The following ATP1A3 variants were observed in gnomAD, a reference collection of about 807,000 sequenced individuals.
The protein encoded by ATP1A3 is ATPase Na+/K+ transporting subunit alpha 3, also known as sodium/potassium-transporting ATPase subunit alpha-3.
Under a neutral mutation model 108.8 loss-of-function variants are expected in ATP1A3, and 12 were observed. That is an observed-to-expected ratio of 0.11 (90% CI 0.07 to 0.18). ATP1A3 has a LOEUF of 0.18. Among genes scored for constraint, ATP1A3 ranks in the 10% least tolerant of loss-of-function variants. ATP1A3 has a pLI of 1.00. For synonymous variants in ATP1A3, 539 were observed against 564.5 expected, an observed-to-expected ratio of 0.95 and a Z score of 0.64; for missense variants, 498 against 1,387.7, an observed-to-expected ratio of 0.36 and a Z score of 10.19.
chr19:41,976,387 G>C, intron 15 of ATP1A3, 29 bp downstream of exon 15: 1 of 1,613,664 alleles, frequency 6.2e-7, no homozygotes, highest in Non-Finnish European at 8.5e-7. Context: ...TCAAGGCCCC[G>C]TCCCCTCCTC....
chr19:41,993,254 A>T, intron 1 of ATP1A3: 1 of 658,632 alleles, frequency 1.5e-6, no homozygotes, highest in Non-Finnish European at 2.5e-6. Flanking sequence ...TCAGCCAGGG[A>T]GGGAGGCGGC....
intron 4 of ATP1A3, among the ~76,000 whole-genome samples, chr19:41,987,145 T>A (rs1555865728): frequency 2.0e-5 from 3 of 152,214 alleles, no homozygotes; most frequent in African/African-American, 7.2e-5. Flanking sequence ...TGCCTGACTT[T>A]ACATTCTACA....
chr19:41,985,823 GC>G lies in ATP1A3; in HGVS notation c.606+40del. On this transcript the variant is annotated intron_variant, in intron 6 of 22. Coordinates refer to ENST00000648268, the MANE Select transcript of ATP1A3 (RefSeq NM_152296.5). This position sits in a 1 kb window ranked among gnomAD's most constrained non-coding sequence, Gnocchi z 8.2. ...GGGGCTGGGCCTGAGCTCCTGGGCAGCCCGAGGGAGGGTAAAGCCGGGCCCT... is the reference window on the plus strand; with the variant it reads ...GGGGCTGGGCCTGAGCTCCTGGGCAGCCGAGGGAGGGTAAAGCCGGGCCCT... 5 of 1,610,504 alleles carry G rather than the reference GC, an allele frequency of 3.1e-6. No homozygotes were observed. Among genetic ancestry groups the G allele is most frequent in the Non-Finnish European group, 4.2e-6 (5 of 1,179,512 alleles).
Position 41,988,367 on chromosome 19 carries a change from T to C in ATP1A3, c.104A>G (p.Lys35Arg), listed in dbSNP as rs1168671489. 1.2e-6 allele frequency: 2 copies of C among 1,614,152 alleles called. No homozygotes were observed. Among genetic ancestry groups the C allele is most frequent in the Non-Finnish European group, 1.7e-6 (2 of 1,180,014 alleles). Residue 35 changes from lysine (K) to arginine (R), a missense_variant, in exon 3 of 23, where the codon AAG becomes AGG. Physicochemically the swap from Lys to Arg is conservative, Grantham distance 26. Around this residue, in one of 9 missense-constraint regions of ATP1A3, gnomAD observed 41 missense variants for 59.7 expected, o/e 0.69. Coordinates refer to ENST00000648268, the MANE Select transcript of ATP1A3 (RefSeq NM_152296.5). This position sits in a 1 kb window ranked among gnomAD's most constrained non-coding sequence, Gnocchi z 5.3. Reference protein sequence around the residue: ...LKKEVAMTEHKMSVEEVCRKY... With the variant: ...LKKEVAMTEHRMSVEEVCRKY... ...CCGGCAGACCTCTTCCACTGACATC[T>C]TGTGCTCTGTCTGAGGAACAGGAGT...
intron 8 of ATP1A3, 32 bp from the exon 9 acceptor site, chr19:41,982,138 G>C (rs782331077): frequency 2.5e-6 from 4 of 1,613,662 alleles, no homozygotes; most frequent in South Asian, 2.2e-5. Context: ...GCAAGTTACA[G>C]GGACAAGCCC....
intron 8 of ATP1A3, among the ~76,000 whole-genome samples, chr19:41,983,766 ATTTTTTTTTTT>A (rs556483707): frequency 4.9e-5 from 5 of 101,264 alleles, no homozygotes; most frequent in African/African-American, 2.0e-4. Context: ...ATTTAAAAAA[ATTTTTTTTTTT>A]TTTTTTTTTT....
At chr19:41,983,559 A>G (rs2075255475) in intron 8 of ATP1A3, among the ~76,000 whole-genome samples, 1 of 148,084 alleles carries the variant, frequency 6.8e-6, no homozygotes, top group Non-Finnish European at 1.5e-5. Context: ...GCAGCCAGAG[A>G]AAAAATTTTT....
rs1555862129 is a variant in ATP1A3, at chr19:41,978,244, G to T, written c.1713C>A (p.Asp571Glu). ...ACATGAGGCCCACAAAGCAGAGGTTGTCCGTGGTGAAGTTCACGTCATCAC... is the reference window on the plus strand; with the variant it reads ...ACATGAGGCCCACAAAGCAGAGGTTTTCCGTGGTGAAGTTCACGTCATCAC... ...FDCDDVNFTT[D>E]NLCFVGLMSM... The change falls in exon 13 of 23, where the codon GAC (aspartate) becomes GAA (glutamate). Residue 571 changes from aspartate to glutamate, a missense_variant. Physicochemically the swap from Asp to Glu is conservative, Grantham distance 45. Around this residue, in one of 9 missense-constraint regions of ATP1A3, gnomAD observed 92 missense variants for 168.7 expected, o/e 0.55. Transcript: ENST00000648268. The surrounding 1 kb of genome is among the most constrained non-coding windows in gnomAD (Gnocchi z 8.3). The T allele has an allele frequency of 1.2e-6, 2 of 1,614,088 alleles. No homozygotes were observed. Among genetic ancestry groups the T allele is most frequent in the Non-Finnish European group, 8.5e-7 (1 of 1,179,974 alleles).
chr19:41,986,893 C>T (rs1356992083), intron 4 of ATP1A3, among the ~76,000 whole-genome samples: 1 of 152,066 alleles, frequency 6.6e-6, no homozygotes, highest in Non-Finnish European at 1.5e-5. Context: ...CAGGTGTGCG[C>T]CACCAGGCCC....
rs1555868077 is a variant in ATP1A3, at chr19:41,993,525, ACACAC to A, written c.6+541_6+545del. 2.1e-5 allele frequency: 26 copies of A among 1,239,526 alleles called. No individual in the cohort carries two copies. The African/African-American group carries it at 3.8e-4, about 18-fold the overall frequency. 76.8% of individuals were successfully genotyped at this position (1,239,526 alleles called of 1,614,324 possible). On this transcript the variant is annotated intron_variant, in intron 1 of 22. Coordinates refer to ENST00000648268, the MANE Select transcript of ATP1A3 (RefSeq NM_152296.5). ...TGCACACACACACACACACACACAC[ACACAC>A]ACACACACACACACACACACTGCGG... is the stretch of plus-strand genomic sequence containing the variant.
In ATP1A3 at chr19:41,988,029, C is replaced by T. The variant is rs782670995; in HGVS notation, c.264G>A (p.Gly88=). 2 of 1,614,112 alleles carry T rather than the reference C, an allele frequency of 1.2e-6. No individual in the cohort carries two copies. The highest frequency in any genetic ancestry group is 1.7e-5 in the Admixed American group (1 of 60,006). The change falls in exon 4 of 23, where the codon GGG becomes GGA. Residue 88 remains glycine, a synonymous_variant. Coordinates refer to ENST00000648268, the MANE Select transcript of ATP1A3 (RefSeq NM_152296.5). The surrounding 1 kb of genome is among the most constrained non-coding windows in gnomAD (Gnocchi z 5.3). ...CGATCCACAGCAGGATGGAGAAGCC[C>T]CCGAAGAGCTGCCGGCAAAACTTGA... ...EWVKFCRQLF[G]GFSILLWIGA...
rs897102802 is a variant in ATP1A3, at chr19:41,968,608, C to T, written c.2819+177G>A. Reference sequence around the variant, plus strand: ...GGTGGGTCACTTGAGCCCAGGAGGTCGAGGCTGCAGTGAGCTATGATTACA... The same window carrying T: ...GGTGGGTCACTTGAGCCCAGGAGGTTGAGGCTGCAGTGAGCTATGATTACA... On this transcript the variant is annotated intron_variant, in intron 20 of 22. Transcript: ENST00000648268. This position sits in a 1 kb window ranked among gnomAD's most constrained non-coding sequence, Gnocchi z 5.0. 4.6e-5 allele frequency among the ~76,000 whole-genome samples: 7 copies of T among 152,010 alleles called. No individual in the cohort carries two copies. Among genetic ancestry groups the T allele is most frequent in the African/African-American group, 1.7e-4 (7 of 41,396 alleles).
At chr19:41,987,680 C>T (rs538485347) in intron 4 of ATP1A3, among the ~76,000 whole-genome samples, 5 of 152,252 alleles carry the variant, frequency 3.3e-5, no homozygotes, top group Admixed American at 1.3e-4. Flanking sequence ...TTCTCAAGGC[C>T]GCTGAGGTCA....
rs782113367 is a variant in ATP1A3 at position 41,988,437 on chromosome 19, G to T, written c.93+39C>A. 3 of 1,614,204 alleles carry T rather than the reference G, an allele frequency of 1.9e-6. No homozygotes were observed. Among genetic ancestry groups the T allele is most frequent in the Non-Finnish European group, 2.5e-6 (3 of 1,180,034 alleles). On this transcript the variant is annotated intron_variant, in intron 2 of 22. Coordinates refer to ENST00000648268, the MANE Select transcript of ATP1A3 (RefSeq NM_152296.5). The surrounding 1 kb of genome is among the most constrained non-coding windows in gnomAD (Gnocchi z 5.3). ...CCTAGGCCAGCCAAGAACTGGCGAG[G>T]TTCTCTGGGAGGGTGTGCGGGCAGA...
At chr19:41,979,602 C>A (rs2075209101) in intron 11 of ATP1A3, among the ~76,000 whole-genome samples, 1 of 152,210 alleles carries the variant, frequency 6.6e-6, no homozygotes, top group Non-Finnish European at 1.5e-5. Context: ...CCACCACACC[C>A]AGCTGTATGC....
chr19:41,973,033 G>A (rs961250544), intron 16 of ATP1A3, among the ~76,000 whole-genome samples: 9 of 152,106 alleles, frequency 5.9e-5, no homozygotes, highest in African/African-American at 2.2e-4. Context: ...TCCCTGCATT[G>A]TGCTCTTCTC....
At chr19:41,993,226 G>T (rs1454652921) in intron 1 of ATP1A3, 3 of 587,140 alleles carry the variant, frequency 5.1e-6, no homozygotes, top group African/African-American at 3.8e-5. Flanking sequence ...ATCCAGGGCT[G>T]CAGCAAGGGT....
intron 11 of ATP1A3, among the ~76,000 whole-genome samples, chr19:41,980,826 G>C (rs997592310): frequency 3.3e-5 from 5 of 151,866 alleles, no homozygotes; most frequent in Non-Finnish European, 5.9e-5. Context: ...CAGGAGAATG[G>C]TGTGAACCCG....
chr19:41,988,682 G>A lies in ATP1A3; in HGVS notation c.7-120C>T. 1.3e-6 allele frequency: 2 copies of A among 1,584,188 alleles called. No individual in the cohort carries two copies. The highest frequency in any genetic ancestry group is 1.7e-6 in the Non-Finnish European group (2 of 1,167,550). ...TCCTGGCCGGTGCCCCTGCATCTCTGGGTGGGGGGTCTCTGTCTGCCTCTC... is the reference window on the plus strand; with the variant it reads ...TCCTGGCCGGTGCCCCTGCATCTCTAGGTGGGGGGTCTCTGTCTGCCTCTC... On this transcript the variant is annotated intron_variant, in intron 1 of 22. Coordinates refer to ENST00000648268, the MANE Select transcript of ATP1A3 (RefSeq NM_152296.5). The surrounding 1 kb of genome is among the most constrained non-coding windows in gnomAD (Gnocchi z 5.3).
Sources: gnomAD v4.1 joint callset for allele counts (sites outside exome capture counted in the v4.1 genomes callset) on GRCh38, gnomAD v4.1.1 for gene constraint, gnomAD v4.1.1 regional missense constraint, Gnocchi (gnomAD v3.1) non-coding constraint, MANE v1.5 for transcripts, NCBI Gene and HGNC (gene_info 2026-07-23, HGNC 2026-07-21) for gene names.